The following DCUN1D4 variants were observed in gnomAD, a reference collection of about 807,000 sequenced individuals.
DCUN1D4 encodes DCN1-like protein 4.
DCUN1D4 carries 22 observed loss-of-function variants against 47.9 expected under a neutral mutation model. That is an observed-to-expected ratio of 0.46 (90% CI 0.33 to 0.66). The LOEUF is 0.66. DCUN1D4 is among the 30% of genes least tolerant of loss of function. The pLI, the probability that DCUN1D4 is intolerant of heterozygous loss-of-function variation, is 0.02. For synonymous variants in DCUN1D4, 121 were observed against 112.2 expected (o/e 1.08, Z -0.50); for missense variants, 301 against 340.8 (o/e 0.88, Z 0.92).
At chr4:51,836,859 C>A in the DCUN1D4 span, among the ~76,000 whole-genome samples, 1 of 152,174 alleles carries the variant, frequency 6.6e-6, no homozygotes, top group Non-Finnish European at 1.5e-5. Context: ...CCACCAACAA[C>A]CGGAGATGGA....
rs192972087 is a variant in DCUN1D4, at chr4:51,853,898, A to G, written c.26-9539A>G. Among the ~76,000 whole-genome samples, 4 of 152,318 alleles carry G rather than the reference A, an allele frequency of 2.6e-5. No homozygotes were observed. In the East Asian group the frequency reaches 5.8e-4, roughly 22 times the overall value. ...CTGCTCGCCTATGACATAATAGCCA[A>G]TTCTTGGTAGTGCTTCCCCTGTGCC... On this transcript the variant is annotated intron_variant, in intron 1 of 10. Transcript: ENST00000334635.
chr4:51,911,546 G>A (rs966716007), intron 9 of DCUN1D4, among the ~76,000 whole-genome samples: 1 of 152,116 alleles, frequency 6.6e-6, no homozygotes, highest in Non-Finnish European at 1.5e-5. Context: ...TTAAGCAGAG[G>A]TTTAAAAGAC....
intron 5 of DCUN1D4, chr4:51,885,100 T>A (rs900670339): frequency 1.3e-5 from 2 of 152,132 alleles, no homozygotes; most frequent in South Asian, 4.1e-4. Context: ...GAGAACCTTA[T>A]GTGATAAGCC....
chr4:51,874,508 A>G, intron 4 of DCUN1D4, 123 bp downstream of exon 4: 1 of 515,816 alleles, frequency 1.9e-6, no homozygotes, highest in Middle Eastern at 3.0e-4. Context: ...TTGCCAGTCG[A>G]TTTTTCAAAA....
intron 1 of DCUN1D4, among the ~76,000 whole-genome samples, chr4:51,849,905 C>T (rs563360899): frequency 2.0e-4 from 31 of 152,014 alleles, no homozygotes; most frequent in African/African-American, 7.5e-4. Context: ...CCAAAAATTA[C>T]ATCTGATGTA....
At chr4:51,877,641 T>G in intron 4 of DCUN1D4, 122 bp from the exon 5 acceptor site, 1 of 653,592 alleles carries the variant, frequency 1.5e-6, no homozygotes, top group Admixed American at 2.7e-5. Context: ...ATAAAACGTT[T>G]AAAATATACT....
Position 51,911,171 on chromosome 4 carries a change from A to T in DCUN1D4, c.717A>T (p.Leu239Phe). Reference sequence around the variant, plus strand: ...TTTTTCCAGTTTTTCACCAATTCTTAGAGGTACCAAATTGTTGTTTTATGA... The same window carrying T: ...TTTTTCCAGTTTTTCACCAATTCTTTGAGGTACCAAATTGTTGTTTTATGA... Reference protein sequence around the residue: ...WPLFPVFHQFLEQSKYKVINK... With the variant: ...WPLFPVFHQFFEQSKYKVINK... Residue 239 changes from leucine to phenylalanine, a missense_variant, in exon 9 of 11, where the codon TTA becomes TTT. Physicochemically the swap from Leu to Phe is conservative, Grantham distance 22 (BLOSUM62 0). Around this residue, in one of 2 missense-constraint regions of DCUN1D4, gnomAD observed 170 missense variants for 234.5 expected, o/e 0.73. Transcript: ENST00000334635. The T allele has an allele frequency of 6.2e-7, 1 of 1,610,064 alleles. No homozygotes were observed. The highest frequency in any genetic ancestry group is 8.5e-7 in the Non-Finnish European group (1 of 1,178,302).
chr4:51,867,268 C>G (rs929873577), intron 3 of DCUN1D4, among the ~76,000 whole-genome samples: 2 of 152,240 alleles, frequency 1.3e-5, no homozygotes, highest in East Asian at 3.9e-4. Flanking sequence ...AAGAGGGTGT[C>G]ACAGCCCTGG....
intron 8 of DCUN1D4, among the ~76,000 whole-genome samples, chr4:51,903,060 T>C (rs1306315334): frequency 2.0e-5 from 3 of 152,208 alleles, no homozygotes; most frequent in Non-Finnish European, 4.4e-5. Context: ...ACTATAACTT[T>C]TGCTTTAAAT....
intron 1 of DCUN1D4, among the ~76,000 whole-genome samples, chr4:51,853,117 C>T (rs1723610311): frequency 6.6e-6 from 1 of 152,238 alleles, no homozygotes; most frequent in Non-Finnish European, 1.5e-5. Context: ...GACTGAGTCC[C>T]TTGGGATAGC....
At chr4:51,874,420 T>TAC (rs780953149) in intron 4 of DCUN1D4, 35 bp downstream of exon 4, 2 of 1,503,486 alleles carry the variant, frequency 1.3e-6, no homozygotes, top group Non-Finnish European at 1.8e-6. Context: ...GAATCAGTGA[T>TAC]ACATATGTCG....
intron 8 of DCUN1D4, among the ~76,000 whole-genome samples, chr4:51,903,277 C>G (rs1170734723): frequency 6.6e-6 from 1 of 152,010 alleles, no homozygotes; most frequent in Non-Finnish European, 1.5e-5. Flanking sequence ...GAAGAGACTT[C>G]TGGGTAAAAA....
At chr4:51,903,609 G>A (rs970991165) in intron 8 of DCUN1D4, among the ~76,000 whole-genome samples, 7 of 152,058 alleles carry the variant, frequency 4.6e-5, no homozygotes, top group Non-Finnish European at 7.4e-5. Flanking sequence ...GCTCTTCTGC[G>A]ACTACAGTTA....
intron 3 of DCUN1D4, among the ~76,000 whole-genome samples, chr4:51,870,939 G>T (rs1245253810): frequency 6.6e-6 from 1 of 152,054 alleles, no homozygotes; most frequent in African/African-American, 2.4e-5. Flanking sequence ...GTGCTGTGTG[G>T]TCCTAAGTCA....
intron 8 of DCUN1D4, among the ~76,000 whole-genome samples, chr4:51,907,910 T>C (rs753110661): frequency 3.9e-5 from 6 of 152,206 alleles, no homozygotes; most frequent in Non-Finnish European, 7.4e-5. Context: ...AAATGCTCAA[T>C]TGTCACCTTT....
intron 9 of DCUN1D4, among the ~76,000 whole-genome samples, chr4:51,912,112 C>CG (rs756275546): frequency 9.1e-4 from 138 of 152,240 alleles, no homozygotes; most frequent in Non-Finnish European, 1.3e-3. Context: ...ACTAGTTTTA[C>CG]GTAAGTATCT....
chr4:51,905,763 G>A (rs775270378), intron 8 of DCUN1D4, among the ~76,000 whole-genome samples: 2 of 152,160 alleles, frequency 1.3e-5, no homozygotes, highest in African/African-American at 4.8e-5. Context: ...GGTGTGCGCT[G>A]ATCAGCAGCA....
chr4:51,844,869 G>A, intron 1 of DCUN1D4: 2 of 985,324 alleles, frequency 2.0e-6, no homozygotes, highest in African/African-American at 3.5e-5. Flanking sequence ...GCGCGCCCTT[G>A]GAGCCTTCCT....
intron 7 of DCUN1D4, among the ~76,000 whole-genome samples, chr4:51,895,923 CAT>C (rs1731197881): frequency 1.3e-5 from 2 of 152,110 alleles, no homozygotes; most frequent in Admixed American, 1.3e-4. Flanking sequence ...TCTGAGGTCA[CAT>C]TGGTGGCTTA....
Sources: gnomAD v4.1 joint callset for allele counts (sites outside exome capture counted in the v4.1 genomes callset) on GRCh38, gnomAD v4.1.1 for gene constraint, gnomAD v4.1.1 regional missense constraint, MANE v1.5 for transcripts, NCBI Gene and HGNC (gene_info 2026-07-23, HGNC 2026-07-21) for gene names.